AFF3: variants seen among roughly 807,000 people sequenced by gnomAD.
The protein encoded by AFF3 is ALF transcription elongation factor 3, also known as AF4/FMR2 family member 3.
A neutral mutation model predicts 129.7 loss-of-function variants in AFF3; 32 were observed. That is an observed-to-expected ratio of 0.25 (90% confidence interval 0.19 to 0.33). The LOEUF (loss-of-function observed/expected upper bound fraction) is 0.33. Among genes scored for constraint, AFF3 ranks in the 10% least tolerant of loss-of-function variants. AFF3 has a pLI of 1.00. For missense variants in AFF3, 1,373 were observed against 1,592.0 expected, an observed-to-expected ratio of 0.86 and a Z score of 2.34; for synonymous variants, 644 against 635.4, an observed-to-expected ratio of 1.01 and a Z score of -0.20.
At chr2:99,925,828 T>C (rs1696198566) in intron 7 of AFF3, among the ~76,000 whole-genome samples, 1 of 152,234 alleles carries the variant, frequency 6.6e-6, no homozygotes, top group South Asian at 2.1e-4. Context: ...GAATGTTCAA[T>C]GAAACTGCTT....
chr2:100,132,324 A>G lies in AFF3; in HGVS notation c.-227-3018T>C, dbSNP rs182395944. On this transcript the variant is annotated intron_variant, in intron 1 of 24. Transcript: ENST00000672756. ...AATGGCTTGATTTAGCCATCCCACA[A>G]TGTATACCTATATCAAAGCATCATG... 2.2e-3 allele frequency among the ~76,000 whole-genome samples: 331 copies of G among 152,312 alleles called. 1 individual carries two copies. The highest frequency in any genetic ancestry group is 7.5e-3 in the African/African-American group (312 of 41,568).
chr2:100,018,412 T>A (rs998829971), intron 4 of AFF3, among the ~76,000 whole-genome samples: 9 of 152,280 alleles, frequency 5.9e-5, no homozygotes, highest in African/African-American at 2.2e-4. Context: ...GTAAATATAC[T>A]CCAGTGGGTT....
intron 14 of AFF3, among the ~76,000 whole-genome samples, chr2:99,595,146 T>C (rs1679158166): frequency 6.6e-6 from 1 of 152,162 alleles, no homozygotes; most frequent in South Asian, 2.1e-4. Context: ...ACTTTTCAGT[T>C]GTGTCTCTAA....
At chr2:99,843,511 T>C (rs1321446068) in intron 7 of AFF3, among the ~76,000 whole-genome samples, 2 of 152,304 alleles carry the variant, frequency 1.3e-5, no homozygotes, top group East Asian at 3.9e-4. Context: ...AAGAGAAATA[T>C]AATTATTATA....
At chr2:99,955,454 A>G (rs146648250) in intron 7 of AFF3, among the ~76,000 whole-genome samples, 1,987 of 152,270 alleles carry the variant, frequency 0.013, 53 homozygotes, top group African/African-American at 0.045. Flanking sequence ...TGATTGTTTA[A>G]CATCTTAACA....
At chr2:99,772,055 C>T (rs1179247486) in intron 8 of AFF3, among the ~76,000 whole-genome samples, 5 of 152,194 alleles carry the variant, frequency 3.3e-5, no homozygotes, top group East Asian at 1.9e-4. Flanking sequence ...TTGGTTCTCT[C>T]GTCTCATACT....
chr2:99,947,606 AGATAGATAGATAGAT>A (rs1559000329), intron 7 of AFF3, among the ~76,000 whole-genome samples: 16 of 50,412 alleles, frequency 3.2e-4, no homozygotes, highest in Admixed American at 8.2e-4. Context: ...AAAGAAAGAT[AGATAGATAGATAGAT>A]AGATAGATAG....
intron 12 of AFF3, among the ~76,000 whole-genome samples, chr2:99,667,749 T>A (rs1011818320): frequency 1.3e-5 from 2 of 152,114 alleles, no homozygotes; most frequent in Non-Finnish European, 2.9e-5. Flanking sequence ...ACAACTTAAG[T>A]GACACGGATA....
chr2:99,950,859 G>A lies in AFF3; in HGVS notation c.873+55773C>T, dbSNP rs186670634. ...TATGACAAATAAAATCCAATTTGTA[G>A]ACAGAAAACTGAAGTTGAAAAAAAT... is the stretch of plus-strand genomic sequence containing the variant. On this transcript the variant is annotated intron_variant, in intron 7 of 24. Transcript: ENST00000672756. Among the ~76,000 whole-genome samples the A allele has an allele frequency of 9.9e-5, 15 of 152,252 alleles. No individual in the cohort carries two copies. The East Asian group carries it at 2.9e-3, about 29-fold the overall frequency.
chr2:99,865,181 C>A (rs1256256053), intron 7 of AFF3, among the ~76,000 whole-genome samples: 1 of 152,136 alleles, frequency 6.6e-6, no homozygotes, highest in East Asian at 1.9e-4. Flanking sequence ...GGTGGGTGGA[C>A]AAAATCCTCT....
At chr2:99,662,861 C>G (rs1190978533) in intron 12 of AFF3, among the ~76,000 whole-genome samples, 2 of 152,140 alleles carry the variant, frequency 1.3e-5, no homozygotes, top group African/African-American at 2.4e-5. Context: ...GAATGTCACG[C>G]TGACTGGATG....
intron 7 of AFF3, among the ~76,000 whole-genome samples, chr2:99,896,063 C>T (rs542230083): frequency 1.2e-3 from 110 of 94,430 alleles, no homozygotes; most frequent in African/African-American, 5.1e-3. Flanking sequence ...AGTGAGACTC[C>T]TTCTCAAAAA....
chr2:99,629,059 T>C (rs1184479724), intron 13 of AFF3, among the ~76,000 whole-genome samples: 1 of 152,112 alleles, frequency 6.6e-6, no homozygotes, highest in African/African-American at 2.4e-5. Flanking sequence ...GGTTTCACCA[T>C]GTTGGCCAGG....
At chr2:99,780,871 T>C (rs940077336) in intron 8 of AFF3, among the ~76,000 whole-genome samples, 2 of 152,140 alleles carry the variant, frequency 1.3e-5, no homozygotes, top group Non-Finnish European at 2.9e-5. Context: ...TCATCTCTCA[T>C]TTGACTTTTC....
chr2:100,004,650 T>C (rs1357835405), intron 7 of AFF3, among the ~76,000 whole-genome samples: 2 of 152,148 alleles, frequency 1.3e-5, no homozygotes, highest in Admixed American at 6.6e-5. Flanking sequence ...AGAGTATGTC[T>C]TAATCTTCTC....
At chr2:99,695,962 C>CA (rs1676212587) in intron 11 of AFF3, among the ~76,000 whole-genome samples, 1 of 90,064 alleles carries the variant, frequency 1.1e-5, no homozygotes. Flanking sequence ...AAAAAAAAAC[C>CA]AAAAGAAAAA....
intron 7 of AFF3, among the ~76,000 whole-genome samples, chr2:99,992,282 T>C (rs1241301098): frequency 6.6e-6 from 1 of 152,246 alleles, no homozygotes; most frequent in African/African-American, 2.4e-5. Flanking sequence ...ATAAGCAGTT[T>C]ATTTAATATC....
chr2:99,668,215 G>A (rs556292664), intron 12 of AFF3, among the ~76,000 whole-genome samples: 158 of 151,536 alleles, frequency 1.0e-3, no homozygotes, highest in African/African-American at 3.6e-3. Context: ...GCTGTCACCC[G>A]GGCTGGAGTG....
chr2:99,558,646 T>TA lies in AFF3; in HGVS notation c.3285+228dup, dbSNP rs570009819. On this transcript the variant is annotated intron_variant, in intron 22 of 24. Transcript: ENST00000672756. The stretch of plus-strand genomic sequence containing the variant: ...CCAAAAATACATAAAAAAATAAAAA[T>TA]AAAAAAATAAAAATACTTGGACAAG... Among the ~76,000 whole-genome samples, 117 of 151,650 alleles carry TA rather than the reference T, an allele frequency of 7.7e-4. 1 individual carries two copies. Among genetic ancestry groups the TA allele is most frequent in the African/African-American group, 2.8e-3 (115 of 41,296 alleles).
Sources: allele counts gnomAD v4.1 joint callset (sites outside exome capture counted in the v4.1 genomes callset), GRCh38; gene constraint gnomAD v4.1.1; transcripts MANE v1.5; gene names NCBI Gene and HGNC (gene_info 2026-07-23, HGNC 2026-07-21).